The following NAA11 variants were observed in gnomAD, a reference collection of about 807,000 sequenced individuals.
The protein encoded by NAA11 is N-alpha-acetyltransferase 11, NatA catalytic subunit, also known as N-alpha-acetyltransferase 11.
A neutral mutation model predicts 16.1 loss-of-function variants in NAA11; 15 were observed. The ratio of observed to expected loss-of-function variants is 0.93; its 90% CI spans 0.62 to 1.44. NAA11 has a LOEUF of 1.44. Ranked by LOEUF, NAA11 falls within the 40% of genes most tolerant of loss-of-function variation. The pLI, the probability that NAA11 is intolerant of heterozygous loss-of-function variation, is 0.00. For missense variants in NAA11, 298 were observed against 291.3 expected (o/e 1.02, Z -0.17); for synonymous variants, 122 against 112.4 (o/e 1.09, Z -0.54).
intron 2 of NAA11, chr4:79,258,792 G>A (rs1040728637): frequency 3.3e-5 from 5 of 152,534 alleles, no homozygotes; most frequent in South Asian, 2.1e-4. Flanking sequence ...GGCCACCCAC[G>A]GCTACCCATG....
chr4:79,290,877 A>G (rs1343088053), intron 2 of NAA11, among the ~76,000 whole-genome samples: 1 of 152,104 alleles, frequency 6.6e-6, no homozygotes, highest in Non-Finnish European at 1.5e-5. Context: ...TGAAAAGGGT[A>G]TTTTTCTTTT....
At chr4:79,299,836 C>T (rs542313459) in intron 1 of NAA11, among the ~76,000 whole-genome samples, 1 of 152,292 alleles carries the variant, frequency 6.6e-6, no homozygotes, top group Non-Finnish European at 1.5e-5. Context: ...ATTCTGCTTC[C>T]TCAAGAGATG....
the NAA11 span, among the ~76,000 whole-genome samples, chr4:79,218,653 C>T: frequency 0.73 from 111,408 of 151,796 alleles, 42,530 homozygotes; most frequent in East Asian, 0.89. Context: ...ACCTCAATTC[C>T]GCTATTTTTT....
the NAA11 span, among the ~76,000 whole-genome samples, chr4:79,194,649 T>A: frequency 6.6e-6 from 1 of 152,098 alleles, no homozygotes; most frequent in Non-Finnish European, 1.5e-5. Context: ...TATTCTGGCA[T>A]AAGTAACAGA....
At chr4:79,319,544 T>C (rs993585856) in intron 1 of NAA11, among the ~76,000 whole-genome samples, 6 of 152,190 alleles carry the variant, frequency 3.9e-5, no homozygotes, top group African/African-American at 1.4e-4. Context: ...TACTAGAGCA[T>C]AGAGTACAAA....
At chr4:79,249,553 G>A (rs1254190006) in intron 2 of NAA11, among the ~76,000 whole-genome samples, 3 of 151,960 alleles carry the variant, frequency 2.0e-5, no homozygotes, top group Non-Finnish European at 4.4e-5. Flanking sequence ...AACACAGTCA[G>A]ACAAATATAA....
chr4:79,264,274 A>G (rs914963835), intron 2 of NAA11, among the ~76,000 whole-genome samples: 7 of 152,310 alleles, frequency 4.6e-5, no homozygotes, highest in South Asian at 4.1e-4. Context: ...TGGATCTTAA[A>G]CTACAGGTTC....
intron 1 of NAA11, among the ~76,000 whole-genome samples, chr4:79,322,323 TAAAG>T (rs1724114914): frequency 6.6e-6 from 1 of 152,214 alleles, no homozygotes; most frequent in South Asian, 2.1e-4. Flanking sequence ...TACGGTATCA[TAAAG>T]AAACAGTTCA....
intron 2 of NAA11, among the ~76,000 whole-genome samples, chr4:79,279,370 G>T (rs1293923517): frequency 6.6e-6 from 1 of 152,044 alleles, no homozygotes; most frequent in Admixed American, 6.6e-5. Flanking sequence ...TACAGCAAGT[G>T]GTGGAGTCAG....
chr4:79,320,056 T>TC (rs894597875), intron 1 of NAA11, among the ~76,000 whole-genome samples: 25 of 152,332 alleles, frequency 1.6e-4, no homozygotes, highest in African/African-American at 5.3e-4. Flanking sequence ...TGCATTTTTT[T>TC]CATTTTTGTT....
chr4:79,302,972 G>A (rs190566983), intron 1 of NAA11, among the ~76,000 whole-genome samples: 2 of 150,994 alleles, frequency 1.3e-5, no homozygotes, highest in African/African-American at 4.9e-5. Flanking sequence ...TGTTGTTGTT[G>A]TTGTTACAGC....
At chr4:79,207,752 C>T in the NAA11 span, among the ~76,000 whole-genome samples, 2 of 152,020 alleles carry the variant, frequency 1.3e-5, no homozygotes, top group African/African-American at 4.8e-5. Context: ...ATTATGAGTG[C>T]TTTTATCATT....
chr4:79,224,247 C>T (rs560222090), downstream of NAA11, among the ~76,000 whole-genome samples: 3 of 152,228 alleles, frequency 2.0e-5, 1 homozygote, highest in South Asian at 4.1e-4. Flanking sequence ...CTGCTACAGG[C>T]ACTAGCTATT....
At chr4:79,295,707 A>G (rs969144232) in intron 1 of NAA11, among the ~76,000 whole-genome samples, 8 of 152,214 alleles carry the variant, frequency 5.3e-5, no homozygotes, top group African/African-American at 1.9e-4. Context: ...ATAATCTTCA[A>G]TTGCAAAAAC....
At chr4:79,231,232 G>A (rs1238825352) in intron 2 of NAA11, among the ~76,000 whole-genome samples, 1 of 151,934 alleles carries the variant, frequency 6.6e-6, no homozygotes, top group Admixed American at 6.6e-5. Flanking sequence ...TACTGGTTTG[G>A]CAGAGTGATA....
intron 2 of NAA11, among the ~76,000 whole-genome samples, chr4:79,279,014 A>G (rs1372389541): frequency 6.6e-6 from 1 of 152,044 alleles, no homozygotes; most frequent in Non-Finnish European, 1.5e-5. Context: ...TTAGAGTAGC[A>G]TTAATCCATT....
chr4:79,202,521 T>TACATACACAC, the NAA11 span, among the ~76,000 whole-genome samples: 1 of 135,212 alleles, frequency 7.4e-6, no homozygotes, highest in Non-Finnish European at 1.6e-5. Flanking sequence ...TAAACTTTTA[T>TACATACACAC]ACACACACAC....
At chr4:79,250,592 C>T (rs752144453) in intron 2 of NAA11, among the ~76,000 whole-genome samples, 7 of 152,132 alleles carry the variant, frequency 4.6e-5, no homozygotes, top group Admixed American at 1.3e-4. Context: ...ATGATGAAGA[C>T]GCCAAAAGCA....
chr4:79,197,364 G>T, the NAA11 span, among the ~76,000 whole-genome samples: 1 of 151,852 alleles, frequency 6.6e-6, no homozygotes, highest in Non-Finnish European at 1.5e-5. Context: ...AGACATTATG[G>T]TAGTTTAATT....
Sources: gnomAD v4.1 joint callset for allele counts (sites outside exome capture counted in the v4.1 genomes callset) on GRCh38, gnomAD v4.1.1 for gene constraint, MANE v1.5 for transcripts, NCBI Gene and HGNC (gene_info 2026-07-23, HGNC 2026-07-21) for gene names.